The following VDAC1 variants were observed in gnomAD, a reference collection of about 807,000 sequenced individuals.
VDAC1 encodes the protein voltage dependent anion channel 1, also known as non-selective voltage-gated ion channel VDAC1.
Under a neutral mutation model 34.7 loss-of-function variants are expected in VDAC1, and 10 were observed. The observed-to-expected ratio is 0.29, with a 90% confidence interval of 0.18 to 0.49. The LOEUF (loss-of-function observed/expected upper bound fraction) is 0.49, where lower values mean the gene tolerates loss of function less well. Ranked by LOEUF, VDAC1 falls within the 20% of genes least tolerant of loss-of-function variation. The pLI is 0.99. For missense variants in VDAC1, 230 were observed against 347.9 expected, an observed-to-expected ratio of 0.66 and a Z score of 2.69; for synonymous variants, 130 against 136.0, an observed-to-expected ratio of 0.96 and a Z score of 0.30.
intron 8 of VDAC1, 80 bp from the exon 9 acceptor site, chr5:133,972,942 G>A (rs1199050704): frequency 1.6e-6 from 2 of 1,231,358 alleles, no homozygotes; most frequent in African/African-American, 3.0e-5. Flanking sequence ...ACCAAATTCA[G>A]AACCTGTTCC....
the VDAC1 span, among the ~76,000 whole-genome samples, chr5:134,096,380 G>A: frequency 6.6e-6 from 1 of 152,222 alleles, no homozygotes; most frequent in African/African-American, 2.4e-5. Flanking sequence ...CCCAGCCAGG[G>A]ACCGGGCCCA....
chr5:134,087,204 C>T, the VDAC1 span, among the ~76,000 whole-genome samples: 8 of 152,236 alleles, frequency 5.3e-5, no homozygotes, highest in South Asian at 1.2e-3. Flanking sequence ...CTGGGGTTCG[C>T]GTCCCTCCTC....
intron 5 of VDAC1, among the ~76,000 whole-genome samples, chr5:133,983,823 C>A (rs991687615): frequency 1.1e-4 from 16 of 152,078 alleles, no homozygotes; most frequent in Non-Finnish European, 2.9e-5. Flanking sequence ...TGCTGTCCTC[C>A]CAATAATGAG....
chr5:134,013,390 G>A, the VDAC1 span, among the ~76,000 whole-genome samples: 5 of 152,158 alleles, frequency 3.3e-5, no homozygotes, highest in South Asian at 1.0e-3. Flanking sequence ...AGCTATGATC[G>A]CACCTCTGCA....
At chr5:133,998,110 T>C (rs1753403724) in intron 1 of VDAC1, among the ~76,000 whole-genome samples, 1 of 151,432 alleles carries the variant, frequency 6.6e-6, no homozygotes, top group South Asian at 2.1e-4. Context: ...CTAGCTATGA[T>C]ACAGTTAAAT....
chr5:133,974,551 G>C (rs1409977277), intron 7 of VDAC1, among the ~76,000 whole-genome samples: 1 of 152,208 alleles, frequency 6.6e-6, no homozygotes, highest in Non-Finnish European at 1.5e-5. Context: ...ATTAATGGAA[G>C]AGGCTTAACA....
chr5:134,036,407 T>C, the VDAC1 span, among the ~76,000 whole-genome samples: 1 of 152,172 alleles, frequency 6.6e-6, no homozygotes, highest in African/African-American at 2.4e-5. Flanking sequence ...GCCAACACTC[T>C]TCATAAGTGT....
At chr5:133,989,085 G>A (rs1034193630) in intron 5 of VDAC1, 1 of 152,230 alleles carries the variant, frequency 6.6e-6, no homozygotes, top group African/African-American at 2.4e-5. Context: ...AGAGGAATGA[G>A]AGTAAATCAG....
the VDAC1 span, among the ~76,000 whole-genome samples, chr5:134,044,635 G>C: frequency 6.6e-6 from 1 of 151,520 alleles, no homozygotes; most frequent in Admixed American, 6.6e-5. Flanking sequence ...GTGTGTGTGT[G>C]TGCATATTGC....
At chr5:134,080,084 C>T in the VDAC1 span, among the ~76,000 whole-genome samples, 7 of 152,240 alleles carry the variant, frequency 4.6e-5, no homozygotes, top group Admixed American at 4.6e-4. Context: ...TAGAAAAACA[C>T]TGCATCCATG....
intron 5 of VDAC1, among the ~76,000 whole-genome samples, chr5:133,984,738 C>T (rs1418531045): frequency 6.6e-6 from 1 of 152,102 alleles, no homozygotes; most frequent in African/African-American, 2.4e-5. Context: ...GAGTTCAAGA[C>T]CAGCCTGGCC....
At chr5:134,005,147 G>A (rs1561604275), upstream of VDAC1, 1 of 152,160 alleles carries the variant, frequency 6.6e-6, no homozygotes, top group East Asian at 1.9e-4. Context: ...AGACGCGCGG[G>A]GCTCCTGGGC....
the VDAC1 span, among the ~76,000 whole-genome samples, chr5:134,109,805 A>G: frequency 6.7e-6 from 1 of 149,490 alleles, no homozygotes; most frequent in Non-Finnish European, 1.5e-5. Flanking sequence ...ACTTAGAGGC[A>G]TCTGCAGCTT....
the VDAC1 span, among the ~76,000 whole-genome samples, chr5:134,075,549 T>G: frequency 6.6e-6 from 1 of 152,204 alleles, no homozygotes; most frequent in African/African-American, 2.4e-5. Context: ...ATTCACACAC[T>G]ATACACGATA....
At chr5:134,075,489 AAT>A in the VDAC1 span, among the ~76,000 whole-genome samples, 1 of 152,234 alleles carries the variant, frequency 6.6e-6, no homozygotes, top group Admixed American at 6.5e-5. Context: ...CTATGTTCAC[AAT>A]ACTTTCATAC....
chr5:134,067,667 G>A, the VDAC1 span, among the ~76,000 whole-genome samples: 276 of 140,222 alleles, frequency 2.0e-3, no homozygotes, highest in African/African-American at 6.4e-3. Context: ...GGGGGAGGGG[G>A]AGGGCGAGGG....
At chr5:133,986,441 C>T (rs1036270837) in intron 5 of VDAC1, among the ~76,000 whole-genome samples, 4 of 152,050 alleles carry the variant, frequency 2.6e-5, no homozygotes, top group African/African-American at 9.6e-5. Context: ...CTGTCGCCCA[C>T]ATTGGAGTGC....
the VDAC1 span, among the ~76,000 whole-genome samples, chr5:134,020,979 G>A: frequency 6.9e-6 from 1 of 144,656 alleles, no homozygotes; most frequent in Non-Finnish European, 1.5e-5. Context: ...GCAACATAAG[G>A]AGACCTTGTC....
chr5:134,074,192 G>A, the VDAC1 span, among the ~76,000 whole-genome samples: 2 of 151,848 alleles, frequency 1.3e-5, no homozygotes, highest in South Asian at 4.1e-4. Context: ...GGCACCTGTA[G>A]TCCCAGCTAC....
Sources: gnomAD v4.1 joint callset for allele counts (sites outside exome capture counted in the v4.1 genomes callset) on GRCh38, gnomAD v4.1.1 for gene constraint, MANE v1.5 for transcripts, NCBI Gene and HGNC (gene_info 2026-07-23, HGNC 2026-07-21) for gene names.